Variants in CTNNA2 observed in about 807,000 individuals in gnomAD.
CTNNA2 encodes the protein catenin alpha 2.
Under a neutral mutation model 101.0 loss-of-function variants are expected in CTNNA2, and 42 were observed. That is an observed-to-expected ratio of 0.42 (90% CI 0.32 to 0.54). CTNNA2 has a LOEUF of 0.54. CTNNA2 is among the 20% of genes least tolerant of loss of function. CTNNA2 has a pLI of 0.14. For missense variants in CTNNA2, 871 were observed against 1,223.1 expected, an observed-to-expected ratio of 0.71 and a Z score of 4.29; for synonymous variants, 450 against 456.4, an observed-to-expected ratio of 0.99 and a Z score of 0.18.
intron 6 of CTNNA2, among the ~76,000 whole-genome samples, chr2:79,874,710 C>G (rs191806563): frequency 2.0e-5 from 3 of 151,944 alleles, no homozygotes; most frequent in Non-Finnish European, 4.4e-5. Context: ...CGGGAGGCTG[C>G]GGCAGGAGAA....
chr2:79,646,938 T>C (rs1315221140), intron 1 of CTNNA2, among the ~76,000 whole-genome samples: 1 of 152,210 alleles, frequency 6.6e-6, no homozygotes, highest in African/African-American at 2.4e-5. Context: ...TCTTTTGTTA[T>C]TTACAATCTT....
chr2:80,435,366 A>C (rs1446509775), intron 9 of CTNNA2, among the ~76,000 whole-genome samples: 2 of 152,214 alleles, frequency 1.3e-5, no homozygotes, highest in Admixed American at 1.3e-4. Flanking sequence ...AATTCTCAAC[A>C]GTTTCTCTCC....
In CTNNA2 at chr2:79,773,654, G is replaced by A. The variant is rs575761008; in HGVS notation, c.298+29072G>A. Among the ~76,000 whole-genome samples the A allele has an allele frequency of 3.9e-5, 6 of 152,100 alleles. No homozygotes were observed. In the South Asian group the frequency reaches 1.0e-3, roughly 26 times the overall value. On this transcript the variant is annotated intron_variant, in intron 3 of 18. Transcript: ENST00000402739. ...TTTCCTTTTAGCTTAGTGATTTTGG[G>A]GGCTCAAGATGTTTTTCTTTCACAG...
chr2:80,127,332 G>A (rs1253603973), intron 7 of CTNNA2, among the ~76,000 whole-genome samples: 1 of 152,120 alleles, frequency 6.6e-6, no homozygotes, highest in Non-Finnish European at 1.5e-5. Flanking sequence ...TGCTGTCCCT[G>A]TAGAGAGAGG....
chr2:80,206,136 T>C (rs1482158689), intron 7 of CTNNA2, among the ~76,000 whole-genome samples: 3 of 152,214 alleles, frequency 2.0e-5, no homozygotes, highest in Non-Finnish European at 2.9e-5. Context: ...CTTAATCATA[T>C]GGAAATCTAT....
intron 4 of CTNNA2, among the ~76,000 whole-genome samples, chr2:79,378,257 C>A (rs777129489): frequency 6.6e-6 from 1 of 152,010 alleles, no homozygotes; most frequent in African/African-American, 2.4e-5. Flanking sequence ...TTGACATGGG[C>A]AATGGTGTCT....
chr2:79,685,445 C>T lies in CTNNA2; in HGVS notation c.102+33787C>T, dbSNP rs78536962. On this transcript the variant is annotated intron_variant, in intron 2 of 18. Transcript: ENST00000402739. ...AAATGAGAGATAGAAGTTTCTTTTACTCCTACACGGCAGTCTGAAGTGAAG... is the reference window on the plus strand; with the variant it reads ...AAATGAGAGATAGAAGTTTCTTTTATTCCTACACGGCAGTCTGAAGTGAAG... 7.1e-3 allele frequency among the ~76,000 whole-genome samples: 1,074 copies of T among 152,264 alleles called. 42 individuals carry two copies. The East Asian group carries it at 0.096, about 14-fold the overall frequency.
chr2:79,305,104 A>G (rs1006265361), intron 2 of CTNNA2, among the ~76,000 whole-genome samples: 4 of 152,078 alleles, frequency 2.6e-5, no homozygotes, highest in African/African-American at 7.2e-5. Context: ...GAGGCAAAGC[A>G]GTGCATTTCA....
At chr2:79,697,013 C>T (rs540492449) in intron 2 of CTNNA2, among the ~76,000 whole-genome samples, 1 of 152,004 alleles carries the variant, frequency 6.6e-6, no homozygotes, top group African/African-American at 2.4e-5. Flanking sequence ...ATGGTCAAGT[C>T]AATACCCTCA....
intron 12 of CTNNA2, chr2:80,572,659 C>T (rs1212912283): frequency 6.6e-6 from 1 of 152,162 alleles, no homozygotes; most frequent in African/African-American, 2.4e-5. Context: ...ACACGAATAA[C>T]TCAAATAGTC....
At chr2:79,889,318 C>T (rs2104194181) in intron 6 of CTNNA2, among the ~76,000 whole-genome samples, 2 of 152,302 alleles carry the variant, frequency 1.3e-5, no homozygotes, top group Middle Eastern at 6.8e-3. Context: ...TATTGAGTCC[C>T]ATTCTTTATT....
chr2:79,949,599 C>T (rs1355585501), intron 7 of CTNNA2, among the ~76,000 whole-genome samples: 1 of 136,030 alleles, frequency 7.4e-6, no homozygotes, highest in Non-Finnish European at 1.7e-5. Flanking sequence ...TAGACCTTGC[C>T]TCTACAAAGT....
chr2:79,878,914 G>A (rs1683219055), intron 6 of CTNNA2, among the ~76,000 whole-genome samples: 3 of 152,128 alleles, frequency 2.0e-5, no homozygotes, highest in African/African-American at 2.4e-5. Flanking sequence ...TTCCTGAATG[G>A]TATTGCCTAG....
At chr2:80,495,968 G>T in intron 9 of CTNNA2, among the ~76,000 whole-genome samples, 1 of 119,376 alleles carries the variant, frequency 8.4e-6, no homozygotes, top group African/African-American at 2.8e-5. Context: ...AAAAAAAAAA[G>T]GTGGCCATTT....
At chr2:79,213,836 C>T (rs943520458) in intron 2 of CTNNA2, among the ~76,000 whole-genome samples, 7 of 152,092 alleles carry the variant, frequency 4.6e-5, no homozygotes, top group Admixed American at 2.0e-4. Flanking sequence ...AGGAAGAAAA[C>T]AGATTTTGGA....
chr2:80,172,222 G>C (rs1320049342), intron 7 of CTNNA2, among the ~76,000 whole-genome samples: 1 of 152,138 alleles, frequency 6.6e-6, no homozygotes. Flanking sequence ...TAACTGGTTT[G>C]TTCTGCTTAT....
chr2:80,361,186 TTTATTACTCAAACTAGGTCAAATATTCAG>T (rs1674372257), intron 7 of CTNNA2, among the ~76,000 whole-genome samples: 1 of 152,132 alleles, frequency 6.6e-6, no homozygotes, highest in African/African-American at 2.4e-5. Flanking sequence ...GTAATGGATC[TTTATTACTCAAACTAGGTCAAATATTCAG>T]GCCTTCTCAG....
intron 9 of CTNNA2, among the ~76,000 whole-genome samples, chr2:80,543,553 C>CT (rs778857356): frequency 3.9e-5 from 6 of 152,160 alleles, no homozygotes; most frequent in Admixed American, 1.3e-4. Flanking sequence ...ATTCTTTACA[C>CT]TAATGGTTTA....
At chr2:80,196,141 T>C (rs866353841) in intron 7 of CTNNA2, among the ~76,000 whole-genome samples, 2 of 152,130 alleles carry the variant, frequency 1.3e-5, no homozygotes, top group African/African-American at 2.4e-5. Context: ...TAATTATAGA[T>C]TTTTCTTACT....
Sources: allele counts gnomAD v4.1 joint callset (sites outside exome capture counted in the v4.1 genomes callset), GRCh38; gene constraint gnomAD v4.1.1; transcripts MANE v1.5; gene names NCBI Gene and HGNC (gene_info 2026-07-23, HGNC 2026-07-21).